RNF187: variants seen among roughly 807,000 people sequenced by gnomAD.
RNF187 encodes the protein ring finger protein 187.
RNF187 carries 18 observed loss-of-function variants against 22.2 expected under a neutral mutation model. The observed-to-expected ratio is 0.81, with a 90% CI of 0.56 to 1.20. RNF187 has a LOEUF of 1.20. RNF187 is among the 50% of genes most tolerant of loss of function. The probability of loss-of-function intolerance (pLI) is 0.00; values close to 1 mark genes in which losing one functional copy is unlikely to be tolerated. For missense variants in RNF187, 329 were observed against 317.6 expected (o/e 1.04, Z -0.27); for synonymous variants, 164 against 140.9 (o/e 1.16, Z -1.16).
In RNF187 at chr1:228,493,087, C is replaced by T. The variant is rs1424455532; in HGVS notation, c.518C>T (p.Thr173Ile). Residue 173 changes from threonine to isoleucine, a missense_variant, in exon 3 of 4, where the codon ACC becomes ATC. Transcript: ENST00000305943. The surrounding 1 kb of genome is among the most constrained non-coding windows in gnomAD (Gnocchi z 4.7). ...ATGGACCGTAGGAAGAAGGCACTGA[C>T]CGACTACAAGAAGCTGCGGGCCTTC... 1.9e-6 allele frequency: 3 copies of T among 1,551,308 alleles called. No homozygotes were observed. Among genetic ancestry groups the T allele is most frequent in the South Asian group, 1.2e-5 (1 of 84,026 alleles).
In RNF187 at chr1:228,493,108, C is replaced by G. The variant is rs980628871; in HGVS notation, c.539C>G (p.Ala180Gly). 1 of 1,551,636 alleles carries G rather than the reference C, an allele frequency of 6.4e-7. No individual in the cohort carries two copies. ...CTGACCGACTACAAGAAGCTGCGGGCCTTCTTTGTGGAGGAGGAGGAGCAT... is the reference window on the plus strand; with the variant it reads ...CTGACCGACTACAAGAAGCTGCGGGGCTTCTTTGTGGAGGAGGAGGAGCAT... Residue 180 changes from alanine to glycine, a missense_variant, in exon 3 of 4, where the codon GCC (alanine) becomes GGC (glycine). Physicochemically the swap from Ala to Gly is moderately conservative, Grantham distance 60 (BLOSUM62 0). Transcript: ENST00000305943. The surrounding 1 kb of genome is among the most constrained non-coding windows in gnomAD (Gnocchi z 4.7).
chr1:228,494,706 A>G lies in RNF187; in HGVS notation c.*821A>G. 1 of 985,632 alleles carries G rather than the reference A, an allele frequency of 1.0e-6. No individual in the cohort carries two copies. Among genetic ancestry groups the G allele is most frequent in the African/African-American group, 1.7e-5 (1 of 57,370 alleles). 61.1% of individuals were successfully genotyped at this position (985,632 alleles called of 1,614,324 possible). On this transcript the variant is annotated 3_prime_UTR_variant, in exon 4 of 4. Transcript: ENST00000305943. ...AGTAGTTGAATTTTGCAAAGCTTGT[A>G]GCAGTAGCTCAGTTGCCTGCAGCAT...
Position 228,488,121 on chromosome 1 carries a change from T to C in RNF187, c.390+243T>C. ...TGCGTCTCTTCGGAGTCTGGTCCCC[T>C]TCCCCGTCTTGGTGTCCCCTGCTGG... On this transcript the variant is annotated intron_variant, in intron 1 of 3. Transcript: ENST00000305943. 42 of 172,840 alleles carry C rather than the reference T, an allele frequency of 2.4e-4. 1 individual carries two copies. In the South Asian group the frequency reaches 8.1e-3, roughly 33 times the overall value. The allele number at this position is 172,840 out of a possible 1,614,324, so 10.7% of individuals were successfully genotyped here. A position where few individuals can be genotyped will look rare whatever the true frequency, so the allele number is the denominator to read the frequency against.
intron 2 of RNF187, among the ~76,000 whole-genome samples, chr1:228,489,461 T>C: frequency 6.6e-6 from 1 of 152,098 alleles, no homozygotes; most frequent in Non-Finnish European, 1.5e-5. Flanking sequence ...CCACACCTGG[T>C]TAATTTTAAA....
rs1316181723 is a variant in RNF187, at chr1:228,487,867, C to A, written c.379C>A (p.Leu127Met). 1.6e-6 allele frequency: 2 copies of A among 1,226,190 alleles called. No homozygotes were observed. Among genetic ancestry groups the A allele is most frequent in the Non-Finnish European group, 2.0e-6 (2 of 979,690 alleles). The allele number at this position is 1,226,190 out of a possible 1,614,324, so 76.0% of individuals were successfully genotyped here. A position where few individuals can be genotyped will look rare whatever the true frequency, so the allele number is the denominator to read the frequency against. ...GTGGGAACCGCGCTGGAGGAAGGCG[C>A]TGCGCGGCAAGGTGCGCGCCGCGGG... Residue 127 changes from leucine (L) to methionine (M), a missense_variant, in exon 1 of 4, where the codon CTG (leucine) becomes ATG (methionine). Physicochemically the swap from Leu to Met is conservative, Grantham distance 15. Coordinates refer to ENST00000305943, the MANE Select transcript of RNF187 (RefSeq NM_001010858.3).
At chr1:228,490,915 G>A in intron 2 of RNF187, among the ~76,000 whole-genome samples, 4 of 152,202 alleles carry the variant, frequency 2.6e-5, no homozygotes, top group African/African-American at 4.8e-5. Flanking sequence ...TGACAGTCAC[G>A]TGCCTGACAG....
chr1:228,494,480 C>A lies in RNF187; in HGVS notation c.*595C>A. On this transcript the variant is annotated 3_prime_UTR_variant, in exon 4 of 4. Transcript: ENST00000305943. ...ATCCAAGTCGCTCTGTCCACCTCCC[C>A]CTTCCTGGCCCCCACCCCACTCCTG... 3.0e-6 allele frequency: 3 copies of A among 986,946 alleles called. No homozygotes were observed. In the African/African-American group the frequency reaches 5.2e-5, roughly 17 times the overall value. The allele number at this position is 986,946 out of a possible 1,614,324, so 61.1% of individuals were successfully genotyped here. A position where few individuals can be genotyped will look rare whatever the true frequency, so the allele number is the denominator to read the frequency against.
At chr1:228,489,655 T>C in intron 2 of RNF187, among the ~76,000 whole-genome samples, 83 of 152,298 alleles carry the variant, frequency 5.4e-4, no homozygotes, top group Non-Finnish European at 1.1e-3. Context: ...TTTTAGAGGC[T>C]AGAAGTCCAA....
chr1:228,490,779 A>G, intron 2 of RNF187, among the ~76,000 whole-genome samples: 3 of 152,166 alleles, frequency 2.0e-5, no homozygotes, highest in Non-Finnish European at 4.4e-5. Flanking sequence ...TTGGCTGAAA[A>G]CCAGCTGAAG....
chr1:228,491,398 A>AAT, intron 2 of RNF187, among the ~76,000 whole-genome samples: 6 of 146,016 alleles, frequency 4.1e-5, no homozygotes, highest in Non-Finnish European at 7.4e-5. Flanking sequence ...AAAAAAAAAA[A>AAT]AAAAAAAAAA....
At chr1:228,492,701 A>C in intron 2 of RNF187, among the ~76,000 whole-genome samples, 1 of 130,484 alleles carries the variant, frequency 7.7e-6, no homozygotes, top group African/African-American at 3.0e-5. Context: ...ACTCGGGCTC[A>C]CTGCAACCTC....
chr1:228,489,864 C>A, intron 2 of RNF187, among the ~76,000 whole-genome samples: 1 of 152,158 alleles, frequency 6.6e-6, no homozygotes, highest in African/African-American at 2.4e-5. Flanking sequence ...AACGCCATCA[C>A]CTGAGGGATG....
At chr1:228,487,935 C>T in intron 1 of RNF187, 57 bp downstream of exon 1, 3 of 1,054,328 alleles carry the variant, frequency 2.8e-6, no homozygotes, top group Non-Finnish European at 3.5e-6. Flanking sequence ...CCTCTCCGCC[C>T]CCGCCCCGGT....
At chr1:228,492,907 G>A in intron 2 of RNF187, 146 bp from the exon 3 acceptor site, 1 of 872,482 alleles carries the variant, frequency 1.1e-6, no homozygotes, top group Non-Finnish European at 1.7e-6. Context: ...ACAAGCGTGA[G>A]CCACTGTGCC....
chr1:228,494,919 C>T lies in RNF187; in HGVS notation c.*1034C>T. On this transcript the variant is annotated 3_prime_UTR_variant, in exon 4 of 4. Transcript: ENST00000305943. Reference sequence around the variant, plus strand: ...CTTGGTGCGATGTCTGTGAGTTTGACCTGCCCAGCGTGTGGGCTGGCTCAA... The same window carrying T: ...CTTGGTGCGATGTCTGTGAGTTTGATCTGCCCAGCGTGTGGGCTGGCTCAA... 1 of 985,340 alleles carries T rather than the reference C, an allele frequency of 1.0e-6. No homozygotes were observed. 61.0% of individuals were successfully genotyped at this position (985,340 alleles called of 1,614,324 possible).
Position 228,494,838 on chromosome 1 carries a change from T to C in RNF187, c.*953T>C. On this transcript the variant is annotated 3_prime_UTR_variant, in exon 4 of 4. Coordinates refer to ENST00000305943, the MANE Select transcript of RNF187 (RefSeq NM_001010858.3). ...TGTTGAGATTTGGGGATAGCCGGGC[T>C]TGTGAGCGGTGCCCATTTCCAGATG... is the stretch of plus-strand genomic sequence containing the variant. The C allele has an allele frequency of 2.5e-5, 25 of 985,344 alleles. No individual in the cohort carries two copies. In the African/African-American group the frequency reaches 4.2e-4, roughly 17 times the overall value. 61.0% of individuals were successfully genotyped at this position (985,344 alleles called of 1,614,324 possible).
chr1:228,489,450 AC>A, intron 2 of RNF187, among the ~76,000 whole-genome samples: 2 of 152,046 alleles, frequency 1.3e-5, no homozygotes, highest in Non-Finnish European at 2.9e-5. Context: ...GGCACGTGCT[AC>A]CACACCTGGT....
chr1:228,491,575 C>T, intron 2 of RNF187, among the ~76,000 whole-genome samples: 2 of 151,470 alleles, frequency 1.3e-5, no homozygotes, highest in Admixed American at 1.3e-4. Context: ...CGAGTAACTG[C>T]GACTACAGGT....
Position 228,487,795 on chromosome 1 carries a change from C to T in RNF187, c.307C>T (p.Pro103Ser). ...GCTGCTGTGCCGCGCCGACGCCGGCCCGCTCTGCGCCGCCTGCCGTATGGC... is the reference window on the plus strand; with the variant it reads ...GCTGCTGTGCCGCGCCGACGCCGGCTCGCTCTGCGCCGCCTGCCGTATGGC... Residue 103 changes from proline to serine, a missense_variant, in exon 1 of 4, where the codon CCG (proline) becomes TCG (serine). Coordinates refer to ENST00000305943, the MANE Select transcript of RNF187 (RefSeq NM_001010858.3). 1.8e-6 allele frequency: 2 copies of T among 1,126,662 alleles called. No homozygotes were observed. The highest frequency in any genetic ancestry group is 9.1e-5 in the East Asian group (2 of 21,970). 69.8% of individuals were successfully genotyped at this position (1,126,662 alleles called of 1,614,324 possible).
Sources: allele counts gnomAD v4.1 joint callset (sites outside exome capture counted in the v4.1 genomes callset), GRCh38; gene constraint gnomAD v4.1.1; non-coding constraint Gnocchi (gnomAD v3.1); transcripts MANE v1.5; gene names NCBI Gene and HGNC (gene_info 2026-07-23, HGNC 2026-07-21).